The following FLNB variants were observed in gnomAD, a reference collection of about 807,000 sequenced individuals.
FLNB encodes the protein filamin B.
Under a neutral mutation model 250.6 loss-of-function variants are expected in FLNB, and 111 were observed. The ratio of observed to expected loss-of-function variants is 0.44; its 90% CI spans 0.38 to 0.52. The LOEUF (loss-of-function observed/expected upper bound fraction) is 0.52. Ranked by LOEUF, FLNB falls within the 20% of genes least tolerant of loss-of-function variation. FLNB has a pLI of 0.00. For missense variants in FLNB, 2,869 were observed against 3,447.8 expected, an observed-to-expected ratio of 0.83 and a Z score of 4.20; for synonymous variants, 1,302 against 1,372.1, an observed-to-expected ratio of 0.95 and a Z score of 1.13.
intron 4 of FLNB, among the ~76,000 whole-genome samples, chr3:58,090,092 C>T (rs1483172445): frequency 2.6e-5 from 4 of 152,010 alleles, no homozygotes; most frequent in East Asian, 1.9e-4. Context: ...CCACTGGACC[C>T]GGCCTCTGTA....
chr3:58,049,162 T>C (rs2097158479), intron 1 of FLNB, among the ~76,000 whole-genome samples: 1 of 152,260 alleles, frequency 6.6e-6, no homozygotes, highest in African/African-American at 2.4e-5. Flanking sequence ...GACATACCTA[T>C]GCTAAACGAT....
chr3:58,169,292 T>A lies in FLNB; in HGVS notation c.7418-298T>A. ...ACTATTTTATGTCAATAGAAAGATG[T>A]GAATTCCACAGGCACATCTTTGGTG... is the stretch of plus-strand genomic sequence containing the variant. On this transcript the variant is annotated intron_variant, in intron 44 of 45. Transcript: ENST00000295956. This position sits in a 1 kb window ranked among gnomAD's most constrained non-coding sequence, Gnocchi z 4.8. 2.2e-6 allele frequency: 1 copy of A among 449,984 alleles called. No homozygotes were observed. The highest frequency in any genetic ancestry group is 2.4e-5 in the South Asian group (1 of 41,208). The allele number at this position is 449,984 out of a possible 1,614,324, so 27.9% of individuals were successfully genotyped here. A position where few individuals can be genotyped will look rare whatever the true frequency, so the allele number is the denominator to read the frequency against.
At chr3:58,060,807 A>G (rs1023812921) in intron 1 of FLNB, among the ~76,000 whole-genome samples, 91 of 93,038 alleles carry the variant, frequency 9.8e-4, no homozygotes, top group Non-Finnish European at 1.6e-3. Flanking sequence ...AAAGAAAGAA[A>G]GAAAAGAAAA....
At position 58,096,181 on chromosome 3, in the gene FLNB, C is replaced by G. The variant is rs1327399055; in HGVS notation, c.947C>G (p.Ser316Cys). ...TPDSDKNKTYSVEYLPKVTGL... is the reference protein window; with the variant it reads ...TPDSDKNKTYCVEYLPKVTGL... ...GACAGTGACAAGAACAAGACATACT[C>G]TGTGGAGTATCTGCCCAAGGTCACC... Residue 316 changes from serine (S) to cysteine (C), a missense_variant, in exon 6 of 46, where the codon TCT becomes TGT. Around this residue, in one of 5 missense-constraint regions of FLNB, gnomAD observed 308 missense variants for 466.1 expected, o/e 0.66. Transcript: ENST00000295956. The G allele has an allele frequency of 6.2e-7, 1 of 1,614,086 alleles. No individual in the cohort carries two copies. The highest frequency in any genetic ancestry group is 2.2e-5 in the East Asian group (1 of 44,886).
chr3:58,075,030 T>C (rs972100181), intron 1 of FLNB, among the ~76,000 whole-genome samples: 1 of 152,144 alleles, frequency 6.6e-6, no homozygotes, highest in East Asian at 1.9e-4. Context: ...AGGGTCTTTT[T>C]TTGCAAGAGG....
At chr3:58,159,116 G>A (rs1575472049) in intron 41 of FLNB, among the ~76,000 whole-genome samples, 3 of 152,102 alleles carry the variant, frequency 2.0e-5, no homozygotes, top group African/African-American at 4.8e-5. Flanking sequence ...GTTCCTCCAG[G>A]TCTGCCCTTG....
At position 58,130,859 on chromosome 3, in the gene FLNB, C is replaced by A; in HGVS notation, c.4341C>A (p.Ser1447Arg). The change falls in exon 25 of 46, where the codon AGC becomes AGA. Residue 1447 changes from serine to arginine, a missense_variant. Coordinates refer to ENST00000295956, the MANE Select transcript of FLNB (RefSeq NM_001457.4). ...TCCTGCAGTCCTTCACGGTGGACAG[C>A]AGCAAGGCTGGCCTGGCTCCGCTGG... is the stretch of plus-strand genomic sequence containing the variant. ...ARVLQSFTVD[S>R]SKAGLAPLEV... 1 of 1,613,272 alleles carries A rather than the reference C, an allele frequency of 6.2e-7. No homozygotes were observed. The highest frequency in any genetic ancestry group is 8.5e-7 in the Non-Finnish European group (1 of 1,179,798).
intron 4 of FLNB, among the ~76,000 whole-genome samples, chr3:58,091,992 C>A (rs2097228521): frequency 6.6e-6 from 1 of 152,136 alleles, no homozygotes; most frequent in Non-Finnish European, 1.5e-5. Context: ...TCCAACAGAA[C>A]ACTAGTATCT....
At chr3:58,152,827 G>A in intron 38 of FLNB, 3 of 1,018,612 alleles carry the variant, frequency 2.9e-6, no homozygotes, top group Non-Finnish European at 4.0e-6. Context: ...CCTCACCACG[G>A]CAGTGCAGGC....
In FLNB at chr3:58,102,266, G is replaced by T. The variant is rs750354519; in HGVS notation, c.1409G>T (p.Arg470Leu). The T allele has an allele frequency of 6.8e-6, 11 of 1,614,060 alleles. No individual in the cohort carries two copies. In the East Asian group the frequency reaches 2.4e-4, roughly 36 times the overall value. ...RGLQPKGVRI[R>L]ETTDFKVDTK... The stretch of plus-strand genomic sequence containing the variant: ...CTACAACCCAAAGGCGTCCGTATCC[G>T]GGAGACCACAGATTTCAAGGTTGAC... The change falls in exon 9 of 46, where the codon CGG becomes CTG. Residue 470 changes from arginine (R) to leucine (L), a missense_variant. Coordinates refer to ENST00000295956, the MANE Select transcript of FLNB (RefSeq NM_001457.4).
Position 58,141,891 on chromosome 3 carries a change from G to T in FLNB, c.5143G>T (p.Ala1715Ser). 1 of 1,614,158 alleles carries T rather than the reference G, an allele frequency of 6.2e-7. No homozygotes were observed. Residue 1715 changes from alanine (A) to serine (S), a missense_variant, in exon 30 of 46, where the codon GCA (alanine) becomes TCA (serine). By Grantham distance (99) the Ala-to-Ser change is moderately conservative. Around this residue, in one of 5 missense-constraint regions of FLNB, gnomAD observed 1,084 missense variants for 1,315.5 expected, o/e 0.82. Coordinates refer to ENST00000295956, the MANE Select transcript of FLNB (RefSeq NM_001457.4). Reference sequence around the variant, plus strand: ...TGGGGAAGTCACAGCCGTGGAGGAGGCACCGGTAAATGCATGTCCCCCTGG... The same window carrying T: ...TGGGGAAGTCACAGCCGTGGAGGAGTCACCGGTAAATGCATGTCCCCCTGG... The part of the protein sequence containing the change: ...TDGEVTAVEE[A>S]PVNACPPGFR...
chr3:58,079,242 C>A (rs1358644622), intron 3 of FLNB, among the ~76,000 whole-genome samples: 1 of 145,784 alleles, frequency 6.9e-6, no homozygotes, highest in Non-Finnish European at 1.5e-5. Flanking sequence ...TAAGAAAAGT[C>A]ACAGGACTTA....
intron 1 of FLNB, among the ~76,000 whole-genome samples, chr3:58,030,408 C>T (rs1450872863): frequency 1.3e-5 from 2 of 152,204 alleles, no homozygotes; most frequent in African/African-American, 2.4e-5. Context: ...GGTCTCTGCT[C>T]TGTTGGTTTC....
At chr3:58,113,978 C>T (rs2097273494) in intron 18 of FLNB, among the ~76,000 whole-genome samples, 1 of 152,200 alleles carries the variant, frequency 6.6e-6, no homozygotes. Flanking sequence ...TGCGCCTGAC[C>T]TCAGTATTTG....
chr3:58,008,445 G>A lies in FLNB; in HGVS notation c.-120G>A. 6.5e-6 allele frequency: 8 copies of A among 1,227,644 alleles called. No individual in the cohort carries two copies. Among genetic ancestry groups the A allele is most frequent in the Non-Finnish European group, 9.3e-6 (8 of 863,352 alleles). 76.0% of individuals were successfully genotyped at this position (1,227,644 alleles called of 1,614,324 possible). A position where few individuals can be genotyped will look rare whatever the true frequency, so the allele number is the denominator to read the frequency against. ...GCAGAGCAGCACCGGCCGTGGCTCC[G>A]GTAGCAGCAAGTTCGAACCCCGCTC... On this transcript the variant is annotated 5_prime_UTR_variant, in exon 1 of 46. Coordinates refer to ENST00000295956, the MANE Select transcript of FLNB (RefSeq NM_001457.4).
intron 4 of FLNB, among the ~76,000 whole-genome samples, chr3:58,088,038 CTTTTT>C (rs56009116): frequency 5.9e-5 from 5 of 84,524 alleles, no homozygotes; most frequent in Admixed American, 1.6e-4. Context: ...GGCGCCCAGC[CTTTTT>C]TTTTTTTTTT....
intron 1 of FLNB, among the ~76,000 whole-genome samples, chr3:58,019,009 C>G (rs1411741572): frequency 1.3e-5 from 2 of 150,808 alleles, no homozygotes; most frequent in Admixed American, 6.6e-5. Context: ...GTGGCACAAG[C>G]CTACATAGTT....
At chr3:58,167,691 C>T (rs1189096077) in intron 43 of FLNB, among the ~76,000 whole-genome samples, 1 of 152,222 alleles carries the variant, frequency 6.6e-6, no homozygotes, top group East Asian at 1.9e-4. Context: ...CAGAGCCATG[C>T]AGACATGGTT....
At chr3:58,051,812 C>T (rs2097162903) in intron 1 of FLNB, among the ~76,000 whole-genome samples, 1 of 151,868 alleles carries the variant, frequency 6.6e-6, no homozygotes, top group Admixed American at 6.6e-5. Flanking sequence ...AGGTCATATC[C>T]CCGGCATTAG....
Sources: gnomAD v4.1 joint callset for allele counts (sites outside exome capture counted in the v4.1 genomes callset) on GRCh38, gnomAD v4.1.1 for gene constraint, gnomAD v4.1.1 regional missense constraint, Gnocchi (gnomAD v3.1) non-coding constraint, MANE v1.5 for transcripts, NCBI Gene and HGNC (gene_info 2026-07-23, HGNC 2026-07-21) for gene names.